The following ZNF569 variants were observed in gnomAD, a reference collection of about 807,000 sequenced individuals.
The protein encoded by ZNF569 is DNA-binding protein.
ZNF569 carries 38 observed loss-of-function variants against 56.3 expected under a neutral mutation model. That is an observed-to-expected ratio of 0.68 (90% CI 0.52 to 0.88). The LOEUF is 0.88. Ranked by LOEUF, ZNF569 falls within the 40% of genes least tolerant of loss-of-function variation. The pLI is 0.00. For missense variants in ZNF569, 666 were observed against 809.2 expected (o/e 0.82, Z 2.15); for synonymous variants, 241 against 262.9 (o/e 0.92, Z 0.81).
chr19:37,443,045 G>T (rs1245037543), intron 3 of ZNF569, among the ~76,000 whole-genome samples: 3 of 152,166 alleles, frequency 2.0e-5, no homozygotes, highest in African/African-American at 7.2e-5. Flanking sequence ...GAGATATATA[G>T]AAGCTGGCAG....
intron 2 of ZNF569, among the ~76,000 whole-genome samples, chr19:37,464,104 A>G (rs2146982859): frequency 1.3e-5 from 2 of 152,318 alleles, no homozygotes; most frequent in South Asian, 4.1e-4. Flanking sequence ...TCAACAGTAG[A>G]GTACACTAAC....
At chr19:37,464,843 T>A (rs1284059821) in intron 2 of ZNF569, among the ~76,000 whole-genome samples, 1 of 152,250 alleles carries the variant, frequency 6.6e-6, no homozygotes. Flanking sequence ...TAGGCCATTC[T>A]CATCAGAGCA....
intron 2 of ZNF569, among the ~76,000 whole-genome samples, chr19:37,460,392 C>T (rs2041738122): frequency 6.6e-6 from 1 of 152,148 alleles, no homozygotes; most frequent in African/African-American, 2.4e-5. Context: ...ATTCGCCTGC[C>T]TTGGCCTCCC....
intron 2 of ZNF569, among the ~76,000 whole-genome samples, chr19:37,445,595 C>T (rs1051189529): frequency 2.6e-5 from 4 of 152,098 alleles, no homozygotes; most frequent in African/African-American, 9.7e-5. Flanking sequence ...TTGAATTCAG[C>T]AGTTTCAGGA....
rs1001016377 is a variant in ZNF569 at position 37,449,706 on chromosome 19, CTTAT to C, written c.-43-4746_-43-4743del. On this transcript the variant is annotated intron_variant, in intron 2 of 5. Transcript: ENST00000316950. Reference sequence around the variant, plus strand: ...TTTAATATCATTTGCTTTTAATATACTTATTTATCTTTATATTTAAAATGGGTAT... The same window carrying C: ...TTTAATATCATTTGCTTTTAATATACTTATCTTTATATTTAAAATGGGTAT... Among the ~76,000 whole-genome samples, 5 of 147,622 alleles carry C rather than the reference CTTAT, an allele frequency of 3.4e-5. No homozygotes were observed. In the South Asian group the frequency reaches 8.5e-4, roughly 25 times the overall value.
At chr19:37,467,802 G>A (rs1478902337), upstream of ZNF569, 1 of 1,366,406 alleles carries the variant, frequency 7.3e-7, no homozygotes, top group Non-Finnish European at 1.0e-6. Flanking sequence ...ATCTGAGGTC[G>A]TGCGAATATG....
chr19:37,436,038 A>G (rs1029996944), intron 3 of ZNF569, among the ~76,000 whole-genome samples: 1 of 152,232 alleles, frequency 6.6e-6, no homozygotes, highest in Non-Finnish European at 1.5e-5. Flanking sequence ...TGGCTGCAGA[A>G]TGCGCATTCT....
At chr19:37,456,477 T>C (rs759878684) in intron 2 of ZNF569, among the ~76,000 whole-genome samples, 1 of 152,176 alleles carries the variant, frequency 6.6e-6, no homozygotes, top group Non-Finnish European at 1.5e-5. Context: ...AGGGCCCGTA[T>C]GTTTGAGAAG....
intron 5 of ZNF569, among the ~76,000 whole-genome samples, chr19:37,415,609 G>A (rs1418348118): frequency 6.6e-6 from 1 of 151,900 alleles, no homozygotes; most frequent in African/African-American, 2.4e-5. Context: ...GGTGGCTCAT[G>A]CCTATAATCC....
At chr19:37,415,399 G>C (rs1364622452) in intron 5 of ZNF569, among the ~76,000 whole-genome samples, 2 of 151,898 alleles carry the variant, frequency 1.3e-5, no homozygotes, top group African/African-American at 4.8e-5. Context: ...ATATAAAATA[G>C]GAACAAATAA....
chr19:37,469,044 G>C, upstream of ZNF569: 4 of 992,412 alleles, frequency 4.0e-6, no homozygotes, highest in Non-Finnish European at 4.8e-6. Flanking sequence ...GAGGCGCGCA[G>C]AGCGCTTGTG....
At chr19:37,426,964 T>C (rs1356575675) in intron 3 of ZNF569, among the ~76,000 whole-genome samples, 1 of 152,198 alleles carries the variant, frequency 6.6e-6, no homozygotes, top group African/African-American at 2.4e-5. Context: ...CATGCCCTGA[T>C]GACAATTTGT....
chr19:37,429,237 C>T (rs900393422), intron 3 of ZNF569, among the ~76,000 whole-genome samples: 10 of 152,088 alleles, frequency 6.6e-5, no homozygotes, highest in African/African-American at 1.9e-4. Flanking sequence ...CATAAAGGCA[C>T]GAGGTATACC....
At chr19:37,455,113 T>C (rs1168375573) in intron 2 of ZNF569, 1 of 414,274 alleles carries the variant, frequency 2.4e-6, no homozygotes. Context: ...CAATAAACTT[T>C]TGAGAAGTCC....
chr19:37,439,478 G>C (rs1393605845), intron 3 of ZNF569, among the ~76,000 whole-genome samples: 1 of 152,188 alleles, frequency 6.6e-6, no homozygotes, highest in African/African-American at 2.4e-5. Flanking sequence ...AGTACAACCT[G>C]ATGGAAAACA....
chr19:37,421,726 T>G (rs2041038617), intron 5 of ZNF569, among the ~76,000 whole-genome samples: 1 of 151,184 alleles, frequency 6.6e-6, no homozygotes, highest in Non-Finnish European at 1.5e-5. Flanking sequence ...ATCATTTGTG[T>G]GTATACTGTA....
rs1049728156 is a variant in ZNF569 at position 37,416,473 on chromosome 19, G to A, written c.239-2054C>T. On this transcript the variant is annotated intron_variant, in intron 5 of 5. Transcript: ENST00000316950. Reference sequence around the variant, plus strand: ...TTGGGGACTGGTTCCAGGACCTCCCGTGGATACCAAAATCCATGGATGCTC... The same window carrying A: ...TTGGGGACTGGTTCCAGGACCTCCCATGGATACCAAAATCCATGGATGCTC... 2.6e-5 allele frequency among the ~76,000 whole-genome samples: 4 copies of A among 151,978 alleles called. No homozygotes were observed. The South Asian group carries it at 6.2e-4, about 24-fold the overall frequency.
At chr19:37,460,693 T>C (rs2041743908) in intron 2 of ZNF569, among the ~76,000 whole-genome samples, 1 of 151,736 alleles carries the variant, frequency 6.6e-6, no homozygotes, top group African/African-American at 2.4e-5. Context: ...AGTTCAAAGC[T>C]GCAGTGTGCC....
intron 2 of ZNF569, among the ~76,000 whole-genome samples, chr19:37,446,333 A>C (rs181008428): frequency 1.8e-4 from 27 of 152,186 alleles, no homozygotes; most frequent in South Asian, 2.1e-4. Flanking sequence ...GCGGATCACG[A>C]GGTCAGGAGA....
Sources: gnomAD v4.1 joint callset for allele counts (sites outside exome capture counted in the v4.1 genomes callset) on GRCh38, gnomAD v4.1.1 for gene constraint, MANE v1.5 for transcripts, NCBI Gene and HGNC (gene_info 2026-07-23, HGNC 2026-07-21) for gene names.